The following DIAPH2 variants were observed in gnomAD, a reference collection of about 807,000 sequenced individuals.
DIAPH2 encodes the protein diaphanous related formin 2.
In DIAPH2, 35 loss-of-function variants were observed where a neutral mutation model predicts 92.7. The observed-to-expected ratio is 0.38, with a 90% CI of 0.29 to 0.50. The LOEUF is 0.50. Ranked by LOEUF, DIAPH2 falls within the 20% of genes least tolerant of loss-of-function variation. The probability of loss-of-function intolerance (pLI) is 0.94; values close to 1 mark genes in which losing one functional copy is unlikely to be tolerated. For missense variants in DIAPH2, 701 were observed against 819.5 expected, an observed-to-expected ratio of 0.86 and a Z score of 1.77; for synonymous variants, 301 against 280.4, an observed-to-expected ratio of 1.07 and a Z score of -0.73.
intron 22 of DIAPH2, among the ~76,000 whole-genome samples, chrX:97,206,525 C>T (rs2067797397): frequency 9.0e-6 from 1 of 111,076 alleles, no homozygotes; most frequent in South Asian, 3.8e-4. Flanking sequence ...AAAATGGATA[C>T]TTATGTCATA....
chrX:97,249,730 T>C (rs972605059), intron 23 of DIAPH2, among the ~76,000 whole-genome samples: 1 of 111,765 alleles, frequency 8.9e-6, no homozygotes, highest in East Asian at 2.8e-4. Flanking sequence ...GCCTACCTAA[T>C]ATATATATTT....
chrX:97,080,083 A>G (rs511452), intron 19 of DIAPH2, among the ~76,000 whole-genome samples: 2,401 of 110,324 alleles, frequency 0.022, 66 homozygotes, highest in African/African-American at 0.074. Flanking sequence ...CTGGTGTCCT[A>G]TCTATTGTTC....
rs747368885 is a variant in DIAPH2, at chrX:96,962,508, T to TACAC, written c.1936-2584_1936-2583insCACA. ...ACACACACACACACATATATATATA[T>TACAC]ATATATATATATATACCTACTTTGT... On this transcript the variant is annotated intron_variant, in intron 16 of 26. Coordinates refer to ENST00000324765, the MANE Select transcript of DIAPH2 (RefSeq NM_006729.5). 4.8e-3 allele frequency among the ~76,000 whole-genome samples: 422 copies of TACAC among 87,506 alleles called. 25 individuals are homozygous for TACAC. The highest frequency in any genetic ancestry group is 0.019 in the African/African-American group (403 of 21,384). 76.0% of individuals were successfully genotyped at this position (87,506 alleles called of 115,157 possible).
chrX:97,118,165 A>G (rs2067029638), intron 21 of DIAPH2, among the ~76,000 whole-genome samples: 1 of 112,001 alleles, frequency 8.9e-6, no homozygotes, highest in African/African-American at 3.2e-5. Context: ...CCAGAAACTG[A>G]GGAAAGACTA....
intron 26 of DIAPH2, among the ~76,000 whole-genome samples, chrX:97,559,209 G>A (rs941120082): frequency 3.6e-5 from 4 of 111,746 alleles, no homozygotes; most frequent in East Asian, 5.6e-4. Context: ...AAAACAGTCC[G>A]GGTCGGGCAT....
intron 22 of DIAPH2, among the ~76,000 whole-genome samples, chrX:97,196,451 T>A (rs990855127): frequency 1.1e-4 from 12 of 112,290 alleles, no homozygotes; most frequent in African/African-American, 2.6e-4. Context: ...ATAGAAAATA[T>A]GGTTCTAGTG....
intron 17 of DIAPH2, among the ~76,000 whole-genome samples, chrX:97,017,451 G>A (rs915868012): frequency 9.0e-6 from 1 of 111,459 alleles, no homozygotes; most frequent in African/African-American, 3.3e-5. Flanking sequence ...TGAATGGGGA[G>A]GAAGAGTTAG....
chrX:97,475,572 G>A (rs1301028313), intron 26 of DIAPH2, among the ~76,000 whole-genome samples: 1 of 111,682 alleles, frequency 9.0e-6, no homozygotes, highest in Non-Finnish European at 1.9e-5. Context: ...AGCCAGAAAG[G>A]TGTTCTTTTT....
At chrX:97,435,285 T>TA (rs1208652936) in intron 26 of DIAPH2, among the ~76,000 whole-genome samples, 4 of 111,611 alleles carry the variant, frequency 3.6e-5, no homozygotes, top group Non-Finnish European at 7.5e-5. Flanking sequence ...TGAGCAGTCT[T>TA]ATTGAATGCC....
intron 20 of DIAPH2, among the ~76,000 whole-genome samples, chrX:97,100,489 T>A (rs2066899155): frequency 9.0e-6 from 1 of 111,651 alleles, no homozygotes; most frequent in African/African-American, 3.3e-5. Context: ...ATTCAAATAG[T>A]TGACAAAAAA....
intron 1 of DIAPH2, among the ~76,000 whole-genome samples, chrX:96,697,532 G>C (rs2063831656): frequency 9.0e-6 from 1 of 110,545 alleles, no homozygotes; most frequent in African/African-American, 3.3e-5. Flanking sequence ...TGTAATCCCA[G>C]CTACCTGGGA....
At chrX:96,965,520 C>T (rs2065888983) in intron 17 of DIAPH2, among the ~76,000 whole-genome samples, 3 of 110,829 alleles carry the variant, frequency 2.7e-5, no homozygotes, top group Admixed American at 9.6e-5. Context: ...AAGATGAATC[C>T]GTTGATTCAT....
chrX:97,247,735 A>G lies in DIAPH2; in HGVS notation c.2740A>G (p.Ser914Gly). The stretch of plus-strand genomic sequence containing the variant: ...TTTAGTTTCAGCTCAAATTCTCAAG[A>G]GCAACCTTGCATCAATGGAACAACA... ...ASKVSAQILK[S>G]NLASMEQQIV... Residue 914 changes from serine (S) to glycine (G), a missense_variant, in exon 23 of 27, where the codon AGC becomes GGC. By Grantham distance (56) the Ser-to-Gly change is moderately conservative. Around this residue, in one of 3 missense-constraint regions of DIAPH2, gnomAD observed 536 missense variants for 599.3 expected, o/e 0.89. Transcript: ENST00000324765. The G allele has an allele frequency of 8.3e-7, 1 of 1,205,308 alleles. No homozygotes were observed. The highest frequency in any genetic ancestry group is 1.1e-6 in the Non-Finnish European group (1 of 891,193).
intron 22 of DIAPH2, among the ~76,000 whole-genome samples, chrX:97,196,213 CAT>C (rs1312283987): frequency 1.3e-5 from 1 of 75,257 alleles, no homozygotes; most frequent in East Asian, 5.1e-4. Flanking sequence ...TACACACACA[CAT>C]ACATACACAC....
intron 4 of DIAPH2, among the ~76,000 whole-genome samples, chrX:96,817,720 G>A (rs1290822057): frequency 3.6e-5 from 4 of 109,762 alleles, no homozygotes; most frequent in African/African-American, 1.3e-4. Context: ...TAGAAGGAGG[G>A]CGAGAGAACT....
At chrX:97,550,031 T>C (rs1402848043) in intron 26 of DIAPH2, among the ~76,000 whole-genome samples, 1 of 112,783 alleles carries the variant, frequency 8.9e-6, no homozygotes, top group Non-Finnish European at 1.9e-5. Context: ...AGGTTTCATT[T>C]AAACATAGAA....
At chrX:96,848,349 T>TA (rs1454751803) in intron 4 of DIAPH2, among the ~76,000 whole-genome samples, 2 of 112,357 alleles carry the variant, frequency 1.8e-5, no homozygotes, top group Non-Finnish European at 3.7e-5. Flanking sequence ...CCAAGGTTAG[T>TA]AATTCATGGA....
rs1442574866 is a variant in DIAPH2, at chrX:97,275,084, CCCA to C, written c.2844+27247_2844+27249del. On this transcript the variant is annotated intron_variant, in intron 23 of 26. Coordinates refer to ENST00000324765, the MANE Select transcript of DIAPH2 (RefSeq NM_006729.5). ...AACAATCTGATTTCTCTATCTTTTC[CCCA>C]CATTTCCCCCTTTTCTACTCGACAA... Among the ~76,000 whole-genome samples the C allele has an allele frequency of 7.1e-5, 8 of 112,261 alleles. 1 individual carries two copies. In the Admixed American group the frequency reaches 7.5e-4, roughly 11 times the overall value.
chrX:97,360,272 T>G (rs1414494073), intron 24 of DIAPH2, among the ~76,000 whole-genome samples: 3 of 111,150 alleles, frequency 2.7e-5, no homozygotes, highest in African/African-American at 9.8e-5. Flanking sequence ...GGTCTAGTAA[T>G]AAAAAACTAA....
Sources: allele counts gnomAD v4.1 joint callset (sites outside exome capture counted in the v4.1 genomes callset), GRCh38; gene constraint gnomAD v4.1.1; regional missense constraint gnomAD v4.1.1; transcripts MANE v1.5; gene names NCBI Gene and HGNC (gene_info 2026-07-23, HGNC 2026-07-21).